The following PRKCB variants were observed in gnomAD, a reference collection of about 807,000 sequenced individuals.
The protein encoded by PRKCB is protein kinase C beta.
A neutral mutation model predicts 81.5 loss-of-function variants in PRKCB; 13 were observed. The observed-to-expected ratio is 0.16, with a 90% CI of 0.10 to 0.25. The LOEUF is 0.25. Among genes scored for constraint, PRKCB ranks in the 10% least tolerant of loss-of-function variants. The probability of loss-of-function intolerance (pLI) is 1.00; values close to 1 mark genes in which losing one functional copy is unlikely to be tolerated. For missense variants in PRKCB, 509 were observed against 875.7 expected, an observed-to-expected ratio of 0.58 and a Z score of 5.29; for synonymous variants, 335 against 321.4, an observed-to-expected ratio of 1.04 and a Z score of -0.45.
intron 2 of PRKCB, among the ~76,000 whole-genome samples, chr16:23,864,794 A>G (rs1013946415): frequency 7.9e-5 from 12 of 151,908 alleles, no homozygotes; most frequent in African/African-American, 2.9e-4. Flanking sequence ...GTGGTTATGG[A>G]GCGTGATGCT....
intron 2 of PRKCB, among the ~76,000 whole-genome samples, chr16:23,977,831 C>G (rs1034455921): frequency 1.3e-5 from 2 of 152,158 alleles, no homozygotes; most frequent in African/African-American, 4.8e-5. Context: ...CCCACAGATT[C>G]ACACAAACCA....
chr16:23,885,309 C>A (rs976091589), intron 2 of PRKCB, among the ~76,000 whole-genome samples: 1 of 151,856 alleles, frequency 6.6e-6, no homozygotes, highest in East Asian at 1.9e-4. Context: ...CTCTTTTTTT[C>A]TTTTTCTTTT....
intron 5 of PRKCB, among the ~76,000 whole-genome samples, chr16:24,080,160 G>A (rs1966230898): frequency 2.0e-5 from 3 of 152,164 alleles, no homozygotes; most frequent in Non-Finnish European, 2.9e-5. Context: ...AAACCAATGA[G>A]GAGGATCTTA....
At chr16:24,188,796 G>A (rs1371010729) in intron 15 of PRKCB, among the ~76,000 whole-genome samples, 2 of 152,158 alleles carry the variant, frequency 1.3e-5, no homozygotes, top group African/African-American at 4.8e-5. Flanking sequence ...TTGACCTTAG[G>A]CAGATGACTT....
intron 2 of PRKCB, among the ~76,000 whole-genome samples, chr16:23,959,488 T>C (rs902984614): frequency 2.0e-5 from 3 of 152,194 alleles, no homozygotes; most frequent in African/African-American, 7.2e-5. Flanking sequence ...TTTCCCATAG[T>C]GGGAGTGACT....
chr16:24,097,707 A>G (rs1367349191), intron 7 of PRKCB, among the ~76,000 whole-genome samples: 1 of 152,202 alleles, frequency 6.6e-6, no homozygotes, highest in East Asian at 1.9e-4. Context: ...GACGTAAGAC[A>G]TCAATCAATA....
chr16:24,137,873 G>A (rs968123574), intron 9 of PRKCB, among the ~76,000 whole-genome samples: 2 of 152,150 alleles, frequency 1.3e-5, no homozygotes, highest in African/African-American at 4.8e-5. Context: ...TCATGCCGTA[G>A]TTGTTTCAAA....
intron 5 of PRKCB, among the ~76,000 whole-genome samples, chr16:24,055,314 C>T (rs938528224): frequency 3.9e-5 from 6 of 152,326 alleles, no homozygotes; most frequent in African/African-American, 1.2e-4. Flanking sequence ...GGCTGTCAGC[C>T]GCTGCTGAGT....
chr16:24,123,005 G>T (rs1163546521), intron 8 of PRKCB, among the ~76,000 whole-genome samples: 1 of 152,212 alleles, frequency 6.6e-6, no homozygotes, highest in Non-Finnish European at 1.5e-5. Flanking sequence ...TATACTAGTT[G>T]TCAGGAAAAC....
At chr16:24,027,836 C>G (rs1386652401) in intron 3 of PRKCB, among the ~76,000 whole-genome samples, 1 of 152,118 alleles carries the variant, frequency 6.6e-6, no homozygotes, top group Non-Finnish European at 1.5e-5. Flanking sequence ...GTGGCGTGAT[C>G]ATAGCTCACT....
intron 2 of PRKCB, among the ~76,000 whole-genome samples, chr16:23,974,473 C>T (rs962568780): frequency 1.3e-5 from 2 of 152,018 alleles, no homozygotes; most frequent in African/African-American, 4.8e-5. Flanking sequence ...GAGGAGGAGC[C>T]AAGGAGAGGA....
chr16:23,869,344 G>A (rs1226348914), intron 2 of PRKCB: 1 of 288,584 alleles, frequency 3.5e-6, no homozygotes, highest in Non-Finnish European at 7.0e-6. Flanking sequence ...GCAGTGACAC[G>A]TAGCACGAGT....
intron 5 of PRKCB, among the ~76,000 whole-genome samples, chr16:24,092,039 A>G (rs1966382879): frequency 6.6e-6 from 1 of 152,174 alleles, no homozygotes; most frequent in Non-Finnish European, 1.5e-5. Flanking sequence ...TTAACCATTA[A>G]CTGTTTTTAA....
rs180777002 is a variant in PRKCB at position 23,882,678 on chromosome 16, A to G, written c.205+45272A>G. On this transcript the variant is annotated intron_variant, in intron 2 of 16. Coordinates refer to ENST00000643927, the MANE Select transcript of PRKCB (RefSeq NM_002738.7). ...ATTTTGCTTATATATTAATCGGTCAATGGACATTTGAGTTGCTTTCACCTC... is the reference window on the plus strand; with the variant it reads ...ATTTTGCTTATATATTAATCGGTCAGTGGACATTTGAGTTGCTTTCACCTC... 2.8e-4 allele frequency among the ~76,000 whole-genome samples: 42 copies of G among 152,240 alleles called. 1 individual carries two copies. The East Asian group carries it at 6.7e-3, about 24-fold the overall frequency.
At chr16:24,156,785 T>C (rs976885911) in intron 10 of PRKCB, among the ~76,000 whole-genome samples, 2 of 152,154 alleles carry the variant, frequency 1.3e-5, no homozygotes, top group Non-Finnish European at 2.9e-5. Context: ...AGGCTGGGAT[T>C]TAAACCTCTA....
intron 10 of PRKCB, among the ~76,000 whole-genome samples, chr16:24,164,148 G>A (rs993220260): frequency 6.6e-6 from 1 of 152,120 alleles, no homozygotes; most frequent in African/African-American, 2.4e-5. Context: ...AGTGGCAAGT[G>A]TCCCCCTGGC....
intron 2 of PRKCB, among the ~76,000 whole-genome samples, chr16:23,949,188 G>T (rs1440268129): frequency 6.6e-6 from 1 of 152,102 alleles, no homozygotes; most frequent in African/African-American, 2.4e-5. Context: ...GTAACCCAGA[G>T]AAAGAAAGAA....
intron 2 of PRKCB, among the ~76,000 whole-genome samples, chr16:23,928,548 A>G (rs1255606048): frequency 2.6e-5 from 4 of 152,088 alleles, no homozygotes; most frequent in African/African-American, 7.2e-5. Context: ...GAGGGTGGAG[A>G]CGCTGTCAGT....
chr16:24,139,598 G>A (rs2141942367), intron 9 of PRKCB, among the ~76,000 whole-genome samples: 1 of 152,272 alleles, frequency 6.6e-6, no homozygotes, highest in East Asian at 1.9e-4. Flanking sequence ...CACTTTCATG[G>A]CTTTCTCAGC....
Sources: gnomAD v4.1 joint callset for allele counts (sites outside exome capture counted in the v4.1 genomes callset) on GRCh38, gnomAD v4.1.1 for gene constraint, MANE v1.5 for transcripts, NCBI Gene and HGNC (gene_info 2026-07-23, HGNC 2026-07-21) for gene names.